CSGALNACT2: variants seen among roughly 807,000 people sequenced by gnomAD.
The protein encoded by CSGALNACT2 is chondroitin sulfate N-acetylgalactosaminyltransferase 2.
CSGALNACT2 carries 35 observed loss-of-function variants against 55.3 expected under a neutral mutation model. The observed-to-expected ratio is 0.63, with a 90% CI of 0.48 to 0.84. The LOEUF is 0.84. Among genes scored for constraint, CSGALNACT2 ranks in the 40% least tolerant of loss-of-function variants. CSGALNACT2 has a pLI of 0.00. For synonymous variants in CSGALNACT2, 196 were observed against 224.9 expected, an observed-to-expected ratio of 0.87 and a Z score of 1.15; for missense variants, 544 against 657.5, an observed-to-expected ratio of 0.83 and a Z score of 1.89.
At chr10:43,143,231 C>T (rs1234281213) in intron 1 of CSGALNACT2, among the ~76,000 whole-genome samples, 1 of 152,208 alleles carries the variant, frequency 6.6e-6, no homozygotes, top group Non-Finnish European at 1.5e-5. Context: ...GTACTATCTA[C>T]ATCAGCACAT....
intron 7 of CSGALNACT2, among the ~76,000 whole-genome samples, chr10:43,180,186 CTCTT>C (rs1839563006): frequency 6.6e-6 from 1 of 152,346 alleles, no homozygotes; most frequent in Non-Finnish European, 1.5e-5. Flanking sequence ...AGAACTTAGA[CTCTT>C]TATTTGGAGC....
At chr10:43,173,080 G>T (rs1839413823) in intron 6 of CSGALNACT2, among the ~76,000 whole-genome samples, 1 of 152,246 alleles carries the variant, frequency 6.6e-6, no homozygotes, top group Non-Finnish European at 1.5e-5. Flanking sequence ...AATGGATTGT[G>T]TGTGGCTCTG....
intron 1 of CSGALNACT2, among the ~76,000 whole-genome samples, chr10:43,141,514 C>T (rs2133085149): frequency 6.7e-6 from 1 of 150,208 alleles, no homozygotes; most frequent in Middle Eastern, 3.5e-3. Context: ...CGCACCTGGC[C>T]ACAAATCATT....
intron 1 of CSGALNACT2, among the ~76,000 whole-genome samples, chr10:43,145,207 C>T (rs541293035): frequency 2.0e-5 from 3 of 152,194 alleles, no homozygotes; most frequent in South Asian, 4.2e-4. Context: ...AATCAGACAG[C>T]AACAAATCAA....
rs1256297767 is a variant in CSGALNACT2 at position 43,158,826 on chromosome 10, T to C, written c.773T>C (p.Met258Thr). 2 of 1,611,048 alleles carry C rather than the reference T, an allele frequency of 1.2e-6. No individual in the cohort carries two copies. Among genetic ancestry groups the C allele is most frequent in the Non-Finnish European group, 8.5e-7 (1 of 1,177,368 alleles). ...VTLFRPFGPL[M>T]KVKSEMIDIT... ...CTCTTCCGCCCTTTTGGACCTCTCATGAAAGTGAAGAGTGAGATGATTGAC... is the reference window on the plus strand; with the variant it reads ...CTCTTCCGCCCTTTTGGACCTCTCACGAAAGTGAAGAGTGAGATGATTGAC... The change falls in exon 3 of 8, where the codon ATG (methionine) becomes ACG (threonine). Residue 258 changes from methionine to threonine, a missense_variant. Met to Thr is a moderately conservative substitution (Grantham distance 81). This residue lies in a region of CSGALNACT2 where 374 missense variants were observed against 401.3 expected (regional missense o/e 0.93). Transcript: ENST00000374466.
intron 6 of CSGALNACT2, among the ~76,000 whole-genome samples, chr10:43,171,616 G>A (rs1839384837): frequency 6.6e-6 from 1 of 152,178 alleles, no homozygotes; most frequent in South Asian, 2.1e-4. Flanking sequence ...CTCCCAAAGT[G>A]TTGGGATTAT....
chr10:43,147,481 T>A (rs1838783016), intron 1 of CSGALNACT2, among the ~76,000 whole-genome samples: 1 of 152,246 alleles, frequency 6.6e-6, no homozygotes, highest in Non-Finnish European at 1.5e-5. Context: ...GAGCACAGAT[T>A]GCTAATTTTG....
chr10:43,150,404 T>G (rs554377087), intron 1 of CSGALNACT2, among the ~76,000 whole-genome samples: 11 of 152,334 alleles, frequency 7.2e-5, no homozygotes, highest in African/African-American at 2.6e-4. Context: ...CTAAAAGACT[T>G]ACAGTACAGG....
chr10:43,149,143 C>T (rs867152189), intron 1 of CSGALNACT2, among the ~76,000 whole-genome samples: 35 of 152,090 alleles, frequency 2.3e-4, no homozygotes, highest in Non-Finnish European at 3.5e-4. Flanking sequence ...AGTGCAGTGG[C>T]GTGATCTCGG....
intron 1 of CSGALNACT2, among the ~76,000 whole-genome samples, chr10:43,142,581 G>C (rs1335286024): frequency 6.6e-6 from 1 of 152,218 alleles, no homozygotes; most frequent in Non-Finnish European, 1.5e-5. Flanking sequence ...TCAAATTTCA[G>C]TGTCCCTTGG....
At chr10:43,176,083 T>C (rs772125021) in intron 7 of CSGALNACT2, 51 bp downstream of exon 7, 1 of 1,424,250 alleles carries the variant, frequency 7.0e-7, no homozygotes, top group African/African-American at 1.4e-5. Context: ...CCAGACTTAA[T>C]GGTATTTTGC....
At position 43,158,883 on chromosome 10, in the gene CSGALNACT2, C is replaced by T; in HGVS notation, c.830C>T (p.Pro277Leu). 2 of 1,612,308 alleles carry T rather than the reference C, an allele frequency of 1.2e-6. No individual in the cohort carries two copies. The highest frequency in any genetic ancestry group is 2.2e-5 in the East Asian group (1 of 44,850). ...ITRSIINIIVPLAERTEAFVQ... is the reference protein window; with the variant it reads ...ITRSIINIIVLLAERTEAFVQ... ...AGATCAATTATTAATATCATTGTGC[C>T]ACTTGCTGAAAGAACTGAAGCATTT... The change falls in exon 3 of 8, where the codon CCA (proline) becomes CTA (leucine). Residue 277 changes from proline (P) to leucine (L), a missense_variant. This residue lies in a region of CSGALNACT2 where 374 missense variants were observed against 401.3 expected (regional missense o/e 0.93). Coordinates refer to ENST00000374466, the MANE Select transcript of CSGALNACT2 (RefSeq NM_018590.5).
chr10:43,166,394 C>T (rs1839265057), intron 5 of CSGALNACT2, among the ~76,000 whole-genome samples: 1 of 152,188 alleles, frequency 6.6e-6, no homozygotes, highest in Admixed American at 6.5e-5. Flanking sequence ...GGTTGCGTCT[C>T]CTGAGGGAAG....
At chr10:43,175,663 C>A (rs547557956) in intron 6 of CSGALNACT2, among the ~76,000 whole-genome samples, 1 of 152,274 alleles carries the variant, frequency 6.6e-6, no homozygotes, top group African/African-American at 2.4e-5. Context: ...TAAGGTTGAT[C>A]CTGTGTGTTA....
At chr10:43,139,977 C>A (rs888725077) in intron 1 of CSGALNACT2, among the ~76,000 whole-genome samples, 1 of 152,070 alleles carries the variant, frequency 6.6e-6, no homozygotes, top group African/African-American at 2.4e-5. Flanking sequence ...AGGTGGATCA[C>A]TTGGTCAGGA....
chr10:43,183,323 C>A lies in CSGALNACT2; in HGVS notation c.1410C>A (p.Asp470Glu). The A allele has an allele frequency of 1.2e-6, 2 of 1,613,828 alleles. No homozygotes were observed. Among genetic ancestry groups the A allele is most frequent in the Non-Finnish European group, 1.7e-6 (2 of 1,179,786 alleles). ...TTTATCGAAAATACTTACATGGTGA[C>A]CTCATTGTGATTCGGACTCCGGTTC... is the stretch of plus-strand genomic sequence containing the variant. ...VHLYRKYLHGDLIVIRTPVPG... is the reference protein window; with the variant it reads ...VHLYRKYLHGELIVIRTPVPG... The change falls in exon 8 of 8, where the codon GAC becomes GAA. Residue 470 changes from aspartate to glutamate, a missense_variant. Asp to Glu is a conservative substitution (Grantham distance 45). Around this residue, in one of 2 missense-constraint regions of CSGALNACT2, gnomAD observed 170 missense variants for 256.2 expected, o/e 0.66. Transcript: ENST00000374466.
At chr10:43,174,888 C>G (rs899172175) in intron 6 of CSGALNACT2, among the ~76,000 whole-genome samples, 2 of 152,222 alleles carry the variant, frequency 1.3e-5, no homozygotes, top group Admixed American at 1.3e-4. Context: ...AGATTAAACA[C>G]TTGTTGAAAG....
At chr10:43,146,446 G>T (rs551754486) in intron 1 of CSGALNACT2, among the ~76,000 whole-genome samples, 1 of 152,226 alleles carries the variant, frequency 6.6e-6, no homozygotes, top group Non-Finnish European at 1.5e-5. Flanking sequence ...TGCCCAACCA[G>T]ATTGAGTGTG....
intron 7 of CSGALNACT2, 41 bp downstream of exon 7, chr10:43,176,073 C>T: frequency 6.8e-7 from 1 of 1,470,578 alleles, no homozygotes; most frequent in Non-Finnish European, 9.3e-7. Flanking sequence ...TTTATTTACT[C>T]CAGACTTAAT....
Sources: allele counts gnomAD v4.1 joint callset (sites outside exome capture counted in the v4.1 genomes callset), GRCh38; gene constraint gnomAD v4.1.1; regional missense constraint gnomAD v4.1.1; transcripts MANE v1.5; gene names NCBI Gene and HGNC (gene_info 2026-07-23, HGNC 2026-07-21).